The following HSPG2 variants were observed in gnomAD, a reference collection of about 807,000 sequenced individuals.
The protein encoded by HSPG2 is basement membrane-specific heparan sulfate proteoglycan core protein.
A neutral mutation model predicts 526.6 loss-of-function variants in HSPG2; 278 were observed. The ratio of observed to expected loss-of-function variants is 0.53; its 90% confidence interval spans 0.48 to 0.58. HSPG2 has a LOEUF of 0.58. Among genes scored for constraint, HSPG2 ranks in the 20% least tolerant of loss-of-function variants. HSPG2 has a pLI of 0.00. For missense variants in HSPG2, 5,354 were observed against 6,099.5 expected (o/e 0.88, Z 4.07); for synonymous variants, 2,465 against 2,555.4 (o/e 0.96, Z 1.07).
intron 91 of HSPG2, among the ~76,000 whole-genome samples, chr1:21,825,890 A>G: frequency 6.6e-6 from 1 of 151,898 alleles, no homozygotes; most frequent in South Asian, 2.1e-4. Flanking sequence ...GGTTCAAGCA[A>G]TTCTCCTGCC....
Position 21,848,599 on chromosome 1 carries a change from C to T in HSPG2, c.7737+44G>A, listed in dbSNP as rs1471715631. Reference sequence around the variant, plus strand: ...GAGTCCCCCCTCTTCCCATTGGGGGCTGGTGTGCCCTGCTTTTGCCCTCCC... The same window carrying T: ...GAGTCCCCCCTCTTCCCATTGGGGGTTGGTGTGCCCTGCTTTTGCCCTCCC... On this transcript the variant is annotated intron_variant, in intron 59 of 96. Transcript: ENST00000374695. The surrounding 1 kb of genome is among the most constrained non-coding windows in gnomAD (Gnocchi z 4.9). 5 of 1,609,738 alleles carry T rather than the reference C, an allele frequency of 3.1e-6. No homozygotes were observed. The highest frequency in any genetic ancestry group is 4.2e-6 in the Non-Finnish European group (5 of 1,177,894).
At chr1:21,914,274 T>C (rs2152791025) in intron 1 of HSPG2, among the ~76,000 whole-genome samples, 2 of 152,178 alleles carry the variant, frequency 1.3e-5, no homozygotes, top group East Asian at 3.9e-4. Context: ...GAGTGGCCTG[T>C]TGAGGGTTGC....
In HSPG2 at chr1:21,859,595, T is replaced by C. The variant is rs1471314533; in HGVS notation, c.5264A>G (p.Asn1755Ser). 6.8e-6 allele frequency: 11 copies of C among 1,607,804 alleles called. No individual in the cohort carries two copies. The highest frequency in any genetic ancestry group is 2.7e-5 in the African/African-American group (2 of 74,840). The change falls in exon 42 of 97, where the codon AAT becomes AGT. Residue 1755 changes from asparagine to serine, a missense_variant. Asn to Ser is a conservative substitution (Grantham distance 46). Transcript: ENST00000374695. This position sits in a 1 kb window ranked among gnomAD's most constrained non-coding sequence, Gnocchi z 5.3. ...ICTCRNLHQS[N>S]TSRAELLVTE... ...GACCAGCAGCTCTGCCCGGCTGGTA[T>C]TGGATTGGTGGAGATTACGGCAGGT...
chr1:21,839,723 C>A lies in HSPG2; in HGVS notation c.9709+99G>T. 6.9e-7 allele frequency: 1 copy of A among 1,448,780 alleles called. No individual in the cohort carries two copies. The allele number at this position is 1,448,780 out of a possible 1,614,324, so 89.7% of individuals were successfully genotyped here. On this transcript the variant is annotated intron_variant, in intron 72 of 96. Transcript: ENST00000374695. This position sits in a 1 kb window ranked among gnomAD's most constrained non-coding sequence, Gnocchi z 4.5. ...CAACACGGTCTCCCCGTACTCCCCA[C>A]CCCTGGGCATGACATCATCTCTAGA...
chr1:21,870,337 C>T (rs535218117), intron 33 of HSPG2: 8 of 975,904 alleles, frequency 8.2e-6, no homozygotes, highest in Non-Finnish European at 9.7e-6. Context: ...AGGGAGCAGG[C>T]GAGCTAAGAC....
chr1:21,840,496 C>T (rs1053131359), intron 71 of HSPG2, among the ~76,000 whole-genome samples: 25 of 152,138 alleles, frequency 1.6e-4, no homozygotes, highest in Non-Finnish European at 3.2e-4. Context: ...TTAGTAGAGA[C>T]GGGGTTTCAC....
chr1:21,847,443 C>A lies in HSPG2; in HGVS notation c.8075G>T (p.Gly2692Val), dbSNP rs1241857712. The change falls in exon 62 of 97, where the codon GGC (glycine) becomes GTC (valine). Residue 2692 changes from glycine (G) to valine (V), a missense_variant. Gly to Val is a moderately radical substitution (Grantham distance 109). Coordinates refer to ENST00000374695, the MANE Select transcript of HSPG2 (RefSeq NM_005529.7). The surrounding 1 kb of genome is among the most constrained non-coding windows in gnomAD (Gnocchi z 4.1). ...RLHQMSVADS[G>V]EYVCRANNNI... ...GTTGTTGGCCCGGCACACATACTCG[C>A]CCGAGTCAGCCACAGACATTTGGTG... The A allele has an allele frequency of 1.2e-6, 2 of 1,613,942 alleles. No individual in the cohort carries two copies. Among genetic ancestry groups the A allele is most frequent in the Non-Finnish European group, 1.7e-6 (2 of 1,180,032 alleles).
intron 1 of HSPG2, among the ~76,000 whole-genome samples, chr1:21,905,151 C>A (rs1260630733): frequency 1.4e-5 from 2 of 146,162 alleles, no homozygotes; most frequent in Non-Finnish European, 3.0e-5. Flanking sequence ...AATCTGTCTA[C>A]ACACACACCC....
chr1:21,828,958 G>C lies in HSPG2; in HGVS notation c.12114C>G (p.Ser4038=). 1 of 1,577,608 alleles carries C rather than the reference G, an allele frequency of 6.3e-7. No homozygotes were observed. Among genetic ancestry groups the C allele is most frequent in the Non-Finnish European group, 8.6e-7 (1 of 1,161,934 alleles). Reference sequence around the variant, plus strand: ...TGAGGCCCTGGCTCTTGCCGGGCGAGGAGCGCAGCACAGGGCGTCCACCAT... The same window carrying C: ...TGAGGCCCTGGCTCTTGCCGGGCGACGAGCGCAGCACAGGGCGTCCACCAT... The part of the protein sequence containing the change: ...RVNGGRPVLR[S]SPGKSQGLNL... The change falls in exon 88 of 97, where the codon TCC becomes TCG. Residue 4038 remains serine (S), a synonymous_variant. Coordinates refer to ENST00000374695, the MANE Select transcript of HSPG2 (RefSeq NM_005529.7). The surrounding 1 kb of genome is among the most constrained non-coding windows in gnomAD (Gnocchi z 6.0).
chr1:21,872,527 C>T lies in HSPG2; in HGVS notation c.4029+93G>A, dbSNP rs1286343953. 1.2e-5 allele frequency: 18 copies of T among 1,480,462 alleles called. 1 individual carries two copies. Among genetic ancestry groups the T allele is most frequent in the East Asian group, 2.5e-5 (1 of 40,622 alleles). 91.7% of individuals were successfully genotyped at this position (1,480,462 alleles called of 1,614,324 possible). ...ATGGGGGCATGTGAGGGTACTGAGG[C>T]GGGGATGAGGGTCGCTGGGCTCAGT... On this transcript the variant is annotated intron_variant, in intron 32 of 96. Coordinates refer to ENST00000374695, the MANE Select transcript of HSPG2 (RefSeq NM_005529.7). This position sits in a 1 kb window ranked among gnomAD's most constrained non-coding sequence, Gnocchi z 5.5.
In HSPG2 at chr1:21,822,418, C is replaced by CCT; in HGVS notation, c.*896_*897dup. 1.7e-6 allele frequency: 1 copy of CCT among 602,902 alleles called. No individual in the cohort carries two copies. Among genetic ancestry groups the CCT allele is most frequent in the Non-Finnish European group, 3.0e-6 (1 of 336,176 alleles). The allele number at this position is 602,902 out of a possible 1,614,324, so 37.3% of individuals were successfully genotyped here. On this transcript the variant is annotated 3_prime_UTR_variant, in exon 97 of 97. Transcript: ENST00000374695. ...TGGGGCAGGGTGGTCATATCCCCCT[C>CCT]CTCTCTCTCTCAGTCGTGAGTCCTG...
chr1:21,844,219 C>T lies in HSPG2; in HGVS notation c.8545G>A (p.Val2849Met), dbSNP rs147114700. ...AEGQTLDLKC[V>M]VPGQAHAQVT... ...TGGGCGTGGGCCTGCCCGGGCACCA[C>T]GCACTTCAGATCCAGGGTCTGCCCT... Residue 2849 changes from valine to methionine, a missense_variant, in exon 65 of 97, where the codon GTG becomes ATG. Transcript: ENST00000374695. 147 of 1,613,726 alleles carry T rather than the reference C, an allele frequency of 9.1e-5. No homozygotes were observed. Among genetic ancestry groups the T allele is most frequent in the African/African-American group, 1.2e-4 (9 of 74,950 alleles).
In HSPG2 at chr1:21,836,839, G is replaced by T; in HGVS notation, c.10318C>A (p.Leu3440Met). Reference protein sequence around the residue: ...QLRWFKEGGQLPPGHSVQDGV... With the variant: ...QLRWFKEGGQMPPGHSVQDGV... ...TCCTGCACGCTGTGACCCGGAGGCA[G>T]CTGACCCCCTTCCTTGAACCAACGG... The change falls in exon 75 of 97, where the codon CTG (leucine) becomes ATG (methionine). Residue 3440 changes from leucine to methionine, a missense_variant. Physicochemically the swap from Leu to Met is conservative, Grantham distance 15. Transcript: ENST00000374695. The T allele has an allele frequency of 6.3e-7, 1 of 1,580,128 alleles. No homozygotes were observed. The highest frequency in any genetic ancestry group is 1.3e-5 in the African/African-American group (1 of 74,390).
chr1:21,915,284 C>T (rs1367673277), intron 1 of HSPG2, among the ~76,000 whole-genome samples: 1 of 152,246 alleles, frequency 6.6e-6, no homozygotes, highest in Non-Finnish European at 1.5e-5. Flanking sequence ...GGACTAGGGA[C>T]TGCCAGGGGA....
Position 21,823,713 on chromosome 1 carries a change from G to T in HSPG2, c.12906C>A (p.Gly4302=). The part of the protein sequence containing the change: ...EWHRVTALRE[G]RRGSIQVDGE... ...CGTCGACTTGGATGGAACCTCTGCG[G>T]CCCTCCCTGCAGTGGAACTGGGTCA... Residue 4302 remains glycine (G), a synonymous_variant, in exon 96 of 97, where the codon GGC becomes GGA. Transcript: ENST00000374695. 6.2e-7 allele frequency: 1 copy of T among 1,613,134 alleles called. No homozygotes were observed. The highest frequency in any genetic ancestry group is 8.5e-7 in the Non-Finnish European group (1 of 1,179,778).
Position 21,853,069 on chromosome 1 carries a change from C to T in HSPG2, c.6441G>A (p.Val2147=). The change falls in exon 51 of 97, where the codon GTG becomes GTA. Residue 2147 remains valine, a splice_region_variant and synonymous_variant. Coordinates refer to ENST00000374695, the MANE Select transcript of HSPG2 (RefSeq NM_005529.7). Reference sequence around the variant, plus strand: ...TGCGGATGGGCCGGGTGCTGCCGGGCACTGGACACAGAGCGGCTGCTCAGA... The same window carrying T: ...TGCGGATGGGCCGGGTGCTGCCGGGTACTGGACACAGAGCGGCTGCTCAGA... ...GTHSGPSYTP[V]PGSTRPIRIE... is the part of the protein sequence containing the mutation. 2 of 1,613,858 alleles carry T rather than the reference C, an allele frequency of 1.2e-6. No homozygotes were observed. Among genetic ancestry groups the T allele is most frequent in the Non-Finnish European group, 8.5e-7 (1 of 1,179,946 alleles).
At position 21,887,577 on chromosome 1, in the gene HSPG2, T is replaced by G. The variant is rs1642005942; in HGVS notation, c.801A>C (p.Pro267=). 6.2e-7 allele frequency: 1 copy of G among 1,613,958 alleles called. No homozygotes were observed. The highest frequency in any genetic ancestry group is 1.3e-5 in the African/African-American group (1 of 74,928). Residue 267 remains proline (P), a synonymous_variant, in exon 8 of 97, where the codon CCA becomes CCC. Transcript: ENST00000374695. This position sits in a 1 kb window ranked among gnomAD's most constrained non-coding sequence, Gnocchi z 5.0. ...RPETTIMRQP[P]VTHAPQPLLP... The stretch of plus-strand genomic sequence containing the variant: ...GCAGGGGCTGAGGAGCGTGGGTGAC[T>G]GGTGGCTGTCGCATGATGGTTGTCT...
intron 3 of HSPG2, among the ~76,000 whole-genome samples, chr1:21,894,666 G>A (rs1222943129): frequency 6.6e-6 from 1 of 152,172 alleles, no homozygotes; most frequent in African/African-American, 2.4e-5. Flanking sequence ...CCCAGCTGGG[G>A]CAGAGCTGCT....
In HSPG2 at chr1:21,859,101, G is replaced by T. The variant is rs1321065056; in HGVS notation, c.5293+465C>A. Among the ~76,000 whole-genome samples the T allele has an allele frequency of 8.6e-5, 13 of 152,018 alleles. No individual in the cohort carries two copies. The highest frequency in any genetic ancestry group is 8.5e-4 in the Admixed American group (13 of 15,250). On this transcript the variant is annotated intron_variant, in intron 42 of 96. Transcript: ENST00000374695. The surrounding 1 kb of genome is among the most constrained non-coding windows in gnomAD (Gnocchi z 5.3). ...CTTGCTCTGTTGCCCAGGCTGGAGT[G>T]CAGTGGCGCAATCTTGGCTCACTGC...
Sources: allele counts gnomAD v4.1 joint callset (sites outside exome capture counted in the v4.1 genomes callset), GRCh38; gene constraint gnomAD v4.1.1; non-coding constraint Gnocchi (gnomAD v3.1); transcripts MANE v1.5; gene names NCBI Gene and HGNC (gene_info 2026-07-23, HGNC 2026-07-21).